Variants in MIB1 observed in about 807,000 individuals in gnomAD.
MIB1 encodes MIB E3 ubiquitin protein ligase 1.
A neutral mutation model predicts 124.5 loss-of-function variants in MIB1; 278 were observed. The ratio of observed to expected loss-of-function variants is 2.23; its 90% CI spans 2.02 to 2.47. MIB1 has a LOEUF of 2.47. Ranked by LOEUF, MIB1 falls within the 30% of genes most tolerant of loss-of-function variation. The pLI is 0.00. For missense variants in MIB1, 957 were observed against 1,254.4 expected, an observed-to-expected ratio of 0.76 and a Z score of 3.58; for synonymous variants, 446 against 429.4, an observed-to-expected ratio of 1.04 and a Z score of -0.48.
chr18:21,769,898 G>A (rs2041206112), intron 3 of MIB1, among the ~76,000 whole-genome samples: 1 of 152,180 alleles, frequency 6.6e-6, no homozygotes, highest in Admixed American at 6.5e-5. Flanking sequence ...TTTAACACAT[G>A]TTGTGTTTTA....
chr18:21,784,542 G>A (rs1049299657), intron 6 of MIB1, among the ~76,000 whole-genome samples: 2 of 152,114 alleles, frequency 1.3e-5, no homozygotes, highest in Admixed American at 6.5e-5. Context: ...TAGAAATGGA[G>A]TATAGATTTG....
intron 7 of MIB1, among the ~76,000 whole-genome samples, chr18:21,797,495 AG>A (rs1390493791): frequency 6.6e-6 from 1 of 152,052 alleles, no homozygotes; most frequent in Non-Finnish European, 1.5e-5. Flanking sequence ...TTCAAAAAAA[AG>A]GTGATAGTTG....
At chr18:21,758,245 A>C (rs182480507) in intron 1 of MIB1, among the ~76,000 whole-genome samples, 3 of 152,344 alleles carry the variant, frequency 2.0e-5, no homozygotes, top group Non-Finnish European at 4.4e-5. Flanking sequence ...TCTCTAGAGA[A>C]AGGAATGTGG....
chr18:21,707,145 T>G (rs2040642408), intron 1 of MIB1, among the ~76,000 whole-genome samples: 1 of 152,230 alleles, frequency 6.6e-6, no homozygotes, highest in Non-Finnish European at 1.5e-5. Flanking sequence ...TAAGGGATTG[T>G]AAATACACCA....
chr18:21,838,548 T>C (rs112795652), intron 13 of MIB1, 51 bp downstream of exon 13: 1 of 1,431,872 alleles, frequency 7.0e-7, no homozygotes, highest in African/African-American at 1.4e-5. Flanking sequence ...TTTAAACAAT[T>C]TGGGACCATT....
chr18:21,834,211 T>A (rs959592901), intron 12 of MIB1, among the ~76,000 whole-genome samples: 1 of 152,056 alleles, frequency 6.6e-6, no homozygotes, highest in Non-Finnish European at 1.5e-5. Flanking sequence ...GACGTGAGAG[T>A]GATGGGACCA....
intron 20 of MIB1, among the ~76,000 whole-genome samples, chr18:21,858,984 A>G (rs1007042698): frequency 2.0e-5 from 3 of 152,238 alleles, no homozygotes; most frequent in African/African-American, 7.2e-5. Context: ...TAGCAGCCGT[A>G]ACTCATACAC....
At chr18:21,739,025 CATAG>C (rs1280127668), upstream of MIB1, among the ~76,000 whole-genome samples, 2 of 151,538 alleles carry the variant, frequency 1.3e-5, no homozygotes, top group Non-Finnish European at 2.9e-5. Flanking sequence ...AGATCAACTA[CATAG>C]ATAGACCACT....
chr18:21,828,444 A>T (rs1390698344), intron 12 of MIB1: 1 of 151,998 alleles, frequency 6.6e-6, no homozygotes, highest in Non-Finnish European at 1.5e-5. Context: ...CTATGTTTGT[A>T]GCTGTCAAAA....
At chr18:21,765,294 A>T (rs1262720922) in intron 1 of MIB1, among the ~76,000 whole-genome samples, 6 of 152,214 alleles carry the variant, frequency 3.9e-5, no homozygotes, top group Non-Finnish European at 8.8e-5. Flanking sequence ...CTATGGGAAA[A>T]ACTTGTCAAT....
At chr18:21,854,862 C>T in intron 18 of MIB1, 1 of 216,144 alleles carries the variant, frequency 4.6e-6, no homozygotes, top group Non-Finnish European at 9.7e-6. Context: ...ACGCCACATG[C>T]AGACATTGGT....
At chr18:21,802,575 CTAA>C (rs1477994534) in intron 9 of MIB1, among the ~76,000 whole-genome samples, 2 of 152,108 alleles carry the variant, frequency 1.3e-5, no homozygotes, top group Non-Finnish European at 2.9e-5. Flanking sequence ...ACTGAACATA[CTAA>C]TGATAGGTCT....
intron 12 of MIB1, among the ~76,000 whole-genome samples, chr18:21,832,843 T>G (rs2041996664): frequency 6.6e-6 from 1 of 152,210 alleles, no homozygotes; most frequent in Non-Finnish European, 1.5e-5. Flanking sequence ...GAGTATAAAG[T>G]AGGTTAATTT....
At chr18:21,793,654 G>A (rs930577306) in intron 7 of MIB1, among the ~76,000 whole-genome samples, 15 of 151,566 alleles carry the variant, frequency 9.9e-5, no homozygotes, top group African/African-American at 3.6e-4. Flanking sequence ...GGTGGTGTGT[G>A]CCTGTAATCC....
At chr18:21,856,435 AG>A (rs907253473) in intron 18 of MIB1, among the ~76,000 whole-genome samples, 20 of 152,364 alleles carry the variant, frequency 1.3e-4, no homozygotes, top group Admixed American at 5.9e-4. Flanking sequence ...ATATTAAAAA[AG>A]TAATCACTAA....
chr18:21,706,711 A>G (rs2040638806), intron 1 of MIB1, among the ~76,000 whole-genome samples: 2 of 152,110 alleles, frequency 1.3e-5, no homozygotes. Context: ...CCAGCCCGCC[A>G]GCGCTGCACT....
intron 17 of MIB1, among the ~76,000 whole-genome samples, chr18:21,851,024 CTA>C (rs2146512952): frequency 6.6e-6 from 1 of 152,164 alleles, no homozygotes; most frequent in African/African-American, 2.4e-5. Flanking sequence ...TATTGGTAAA[CTA>C]TGACTTATAT....
At chr18:21,859,415 A>T (rs913630602) in intron 20 of MIB1, among the ~76,000 whole-genome samples, 2 of 147,142 alleles carry the variant, frequency 1.4e-5, no homozygotes, top group African/African-American at 4.9e-5. Flanking sequence ...AAAGTCAAGG[A>T]TAGTGGTTTT....
At chr18:21,779,344 T>TAA (rs1458591273) in intron 5 of MIB1, 137 bp from the exon 6 acceptor site, 1 of 679,356 alleles carries the variant, frequency 1.5e-6, no homozygotes, top group African/African-American at 1.8e-5. Flanking sequence ...ATTTTATACT[T>TAA]ATAGGGAATT....
Sources: allele counts gnomAD v4.1 joint callset (sites outside exome capture counted in the v4.1 genomes callset), GRCh38; gene constraint gnomAD v4.1.1; transcripts MANE v1.5; gene names NCBI Gene and HGNC (gene_info 2026-07-23, HGNC 2026-07-21).